FGD5: variants seen among roughly 807,000 people sequenced by gnomAD.
The protein encoded by FGD5 is FYVE, RhoGEF and PH domain-containing protein 5.
A neutral mutation model predicts 133.4 loss-of-function variants in FGD5; 28 were observed. The observed-to-expected ratio is 0.21, with a 90% CI of 0.16 to 0.29. The LOEUF (loss-of-function observed/expected upper bound fraction) is 0.29. Among genes scored for constraint, FGD5 ranks in the 10% least tolerant of loss-of-function variants. The probability of loss-of-function intolerance (pLI) is 1.00; values close to 1 mark genes in which losing one functional copy is unlikely to be tolerated. For synonymous variants in FGD5, 810 were observed against 776.5 expected (o/e 1.04, Z -0.72); for missense variants, 1,858 against 1,895.2 (o/e 0.98, Z 0.36).
At chr3:14,879,569 GCTCACTCACTCACTC>G (rs1553627786) in intron 2 of FGD5, among the ~76,000 whole-genome samples, 1 of 152,182 alleles carries the variant, frequency 6.6e-6, no homozygotes, top group Non-Finnish European at 1.5e-5. Context: ...ATGTGCGCTC[GCTCACTCACTCACTC>G]CTCACTCACT....
At chr3:14,895,325 A>C (rs2038112909) in intron 4 of FGD5, among the ~76,000 whole-genome samples, 1 of 152,308 alleles carries the variant, frequency 6.6e-6, no homozygotes, top group South Asian at 2.1e-4. Context: ...TTCTAGTTGC[A>C]TCATAGTTGG....
chr3:14,918,606 G>T, intron 12 of FGD5, 148 bp from the exon 13 acceptor site: 1 of 746,706 alleles, frequency 1.3e-6, no homozygotes, highest in Non-Finnish European at 2.2e-6. Context: ...ACCTTCCACA[G>T]CACCTACCAT....
In FGD5 at chr3:14,917,460, G is replaced by A; in HGVS notation, c.3489+128G>A. 3.7e-6 allele frequency: 3 copies of A among 808,278 alleles called. No individual in the cohort carries two copies. Among genetic ancestry groups the A allele is most frequent in the Non-Finnish European group, 5.9e-6 (3 of 509,590 alleles). 50.1% of individuals were successfully genotyped at this position (808,278 alleles called of 1,614,324 possible). On this transcript the variant is annotated intron_variant, in intron 12 of 19. Transcript: ENST00000285046. The surrounding 1 kb of genome is among the most constrained non-coding windows in gnomAD (Gnocchi z 4.1). Reference sequence around the variant, plus strand: ...AGGGAGGCCCTGCGGAAACAGTGTTGGGCTACAGCAAGTTTGTGCTGTAAG... The same window carrying A: ...AGGGAGGCCCTGCGGAAACAGTGTTAGGCTACAGCAAGTTTGTGCTGTAAG...
Position 14,900,591 on chromosome 3 carries a change from A to G in FGD5, c.3205+138A>G, listed in dbSNP as rs1164696186. ...GCTGGGTGGGTTCTGCATATGACACATCTTGGACTTCTGTGAGAGCCCACA... is the reference window on the plus strand; with the variant it reads ...GCTGGGTGGGTTCTGCATATGACACGTCTTGGACTTCTGTGAGAGCCCACA... On this transcript the variant is annotated intron_variant, in intron 8 of 19. Transcript: ENST00000285046. The G allele has an allele frequency of 2.4e-5, 22 of 930,792 alleles. 1 individual carries two copies. The Admixed American group carries it at 4.2e-4, about 18-fold the overall frequency. 57.7% of individuals were successfully genotyped at this position (930,792 alleles called of 1,614,324 possible).
chr3:14,822,112 AAAAAG>A (rs553786018), intron 1 of FGD5, among the ~76,000 whole-genome samples: 7 of 152,014 alleles, frequency 4.6e-5, no homozygotes, highest in East Asian at 3.8e-4. Context: ...AAAATAAAAA[AAAAAG>A]AAAAGAAAAA....
At chr3:14,837,575 G>A (rs186853765) in intron 1 of FGD5, among the ~76,000 whole-genome samples, 17 of 152,240 alleles carry the variant, frequency 1.1e-4, no homozygotes, top group East Asian at 5.8e-4. Flanking sequence ...GAGGACTACC[G>A]GGTTTTTGTA....
At chr3:14,855,738 G>T (rs968733220) in intron 1 of FGD5, among the ~76,000 whole-genome samples, 2 of 151,096 alleles carry the variant, frequency 1.3e-5, no homozygotes, top group African/African-American at 2.4e-5. Flanking sequence ...TGTTTTTTCT[G>T]TTAAGACCTT....
intron 1 of FGD5, among the ~76,000 whole-genome samples, chr3:14,838,939 A>G (rs569200617): frequency 1.3e-5 from 2 of 152,288 alleles, no homozygotes; most frequent in East Asian, 1.9e-4. Context: ...CTACAAGTCC[A>G]CCTGTTATAT....
In FGD5 at chr3:14,888,124, C is replaced by T. The variant is rs551716461; in HGVS notation, c.2748+7352C>T. Among the ~76,000 whole-genome samples, 46 of 150,468 alleles carry T rather than the reference C, an allele frequency of 3.1e-4. 1 individual carries two copies. The South Asian group carries it at 6.5e-3, about 21-fold the overall frequency. On this transcript the variant is annotated intron_variant, in intron 4 of 19. Transcript: ENST00000285046. Reference sequence around the variant, plus strand: ...GTTTGAGGCTGCAGTGAGCTATGAGCATACCACTATGCTCCAGCCTGGGTG... The same window carrying T: ...GTTTGAGGCTGCAGTGAGCTATGAGTATACCACTATGCTCCAGCCTGGGTG...
rs1447124832 is a variant in FGD5, at chr3:14,917,728, T to A, written c.3489+396T>A. On this transcript the variant is annotated intron_variant, in intron 12 of 19. Coordinates refer to ENST00000285046, the MANE Select transcript of FGD5 (RefSeq NM_152536.4). This position sits in a 1 kb window ranked among gnomAD's most constrained non-coding sequence, Gnocchi z 4.1. ...TTTTAAATGTACAGTTCTGTGGCAC[T>A]AAGCACATTTACATTGCTGTGTATC... Among the ~76,000 whole-genome samples the A allele has an allele frequency of 6.6e-6, 1 of 152,206 alleles. No individual in the cohort carries two copies. The highest frequency in any genetic ancestry group is 1.5e-5 in the Non-Finnish European group (1 of 68,032).
At chr3:14,867,931 G>A (rs2037529208) in intron 2 of FGD5, among the ~76,000 whole-genome samples, 1 of 152,118 alleles carries the variant, frequency 6.6e-6, no homozygotes, top group East Asian at 1.9e-4. Context: ...TTTTGGGGGT[G>A]CAGTGGTGAG....
chr3:14,911,744 C>A (rs553217944), intron 11 of FGD5, among the ~76,000 whole-genome samples: 1 of 148,516 alleles, frequency 6.7e-6, no homozygotes, highest in African/African-American at 2.5e-5. Context: ...GCAGACAGCC[C>A]ATTGTAAATG....
At chr3:14,881,467 G>T (rs2037823351) in intron 4 of FGD5, among the ~76,000 whole-genome samples, 1 of 152,222 alleles carries the variant, frequency 6.6e-6, no homozygotes. Context: ...GGCCAGCAAA[G>T]GGGACGGATG....
intron 1 of FGD5, among the ~76,000 whole-genome samples, chr3:14,849,752 C>T (rs571224612): frequency 5.4e-4 from 82 of 152,232 alleles, no homozygotes; most frequent in African/African-American, 1.9e-3. Flanking sequence ...TGAACTTAGC[C>T]TCTGTGCACC....
rs143051882 is a variant in FGD5, at chr3:14,854,454, C to T, written c.2526-9674C>T. Among the ~76,000 whole-genome samples, 965 of 150,726 alleles carry T rather than the reference C, an allele frequency of 6.4e-3. 6 individuals carry two copies. The highest frequency in any genetic ancestry group is 0.011 in the Non-Finnish European group (740 of 67,588). ...ATTTATTGAGACGAGCTCACTCTGT[C>T]GCCCAGGCTGGACTGCAGTGGCGTG... On this transcript the variant is annotated intron_variant, in intron 1 of 19. Coordinates refer to ENST00000285046, the MANE Select transcript of FGD5 (RefSeq NM_152536.4).
chr3:14,854,049 C>G (rs1436901818), intron 1 of FGD5, among the ~76,000 whole-genome samples: 1 of 151,960 alleles, frequency 6.6e-6, no homozygotes, highest in African/African-American at 2.4e-5. Flanking sequence ...TATGTCAGCC[C>G]CTGGCTGCTT....
intron 2 of FGD5, among the ~76,000 whole-genome samples, chr3:14,870,572 A>G (rs2037586789): frequency 6.6e-6 from 1 of 151,780 alleles, no homozygotes; most frequent in Non-Finnish European, 1.5e-5. Flanking sequence ...TGACTGTGCA[A>G]CTCTGTCAAC....
chr3:14,885,888 A>T (rs2037917170), intron 4 of FGD5, among the ~76,000 whole-genome samples: 1 of 152,178 alleles, frequency 6.6e-6, no homozygotes, highest in African/African-American at 2.4e-5. Flanking sequence ...GACCATTGAG[A>T]TAGGAGAGAT....
At chr3:14,894,502 GTTCTT>G (rs1351035918) in intron 4 of FGD5, among the ~76,000 whole-genome samples, 1 of 125,302 alleles carries the variant, frequency 8.0e-6, no homozygotes, top group African/African-American at 3.1e-5. Context: ...GCATTTGTTA[GTTCTT>G]TTTTTTTTTT....
Sources: gnomAD v4.1 joint callset for allele counts (sites outside exome capture counted in the v4.1 genomes callset) on GRCh38, gnomAD v4.1.1 for gene constraint, Gnocchi (gnomAD v3.1) non-coding constraint, MANE v1.5 for transcripts, NCBI Gene and HGNC (gene_info 2026-07-23, HGNC 2026-07-21) for gene names.